Variants in PTPRD observed in about 807,000 individuals in gnomAD.
PTPRD encodes the protein receptor-type tyrosine-protein phosphatase delta.
A neutral mutation model predicts 214.5 loss-of-function variants in PTPRD; 34 were observed. That is an observed-to-expected ratio of 0.16 (90% CI 0.12 to 0.21). The LOEUF is 0.21. PTPRD is among the 10% of genes least tolerant of loss of function. The probability of loss-of-function intolerance (pLI) is 1.00; values close to 1 mark genes in which losing one functional copy is unlikely to be tolerated. For missense variants in PTPRD, 2,545 were observed against 2,398.7 expected (o/e 1.06, Z -1.27); for synonymous variants, 1,128 against 845.7 (o/e 1.33, Z -5.79).
At chr9:9,363,872 T>G (rs2057064394) in intron 9 of PTPRD, among the ~76,000 whole-genome samples, 1 of 151,406 alleles carries the variant, frequency 6.6e-6, no homozygotes, top group Non-Finnish European at 1.5e-5. Context: ...ACTTAATTAT[T>G]TACTTTGCAT....
chr9:9,251,223 T>G (rs1477747157), intron 9 of PTPRD, among the ~76,000 whole-genome samples: 1 of 152,048 alleles, frequency 6.6e-6, no homozygotes, highest in African/African-American at 2.4e-5. Context: ...CAAGCCAGGT[T>G]GCCTTGCTGA....
chr9:9,164,137 T>C (rs2099896558), intron 10 of PTPRD, among the ~76,000 whole-genome samples: 1 of 152,192 alleles, frequency 6.6e-6, no homozygotes, highest in East Asian at 1.9e-4. Context: ...AGCACAAATT[T>C]ATTATACTTC....
intron 11 of PTPRD, among the ~76,000 whole-genome samples, chr9:8,942,415 A>G (rs1000010052): frequency 1.3e-5 from 2 of 152,154 alleles, no homozygotes. Context: ...GGCCATTACA[A>G]TTAGATCTGG....
chr9:8,895,786 G>C (rs985269145), intron 11 of PTPRD, among the ~76,000 whole-genome samples: 4 of 152,178 alleles, frequency 2.6e-5, no homozygotes, highest in Non-Finnish European at 4.4e-5. Context: ...CAGGTAGGAA[G>C]AGCCTTCTAG....
At chr9:9,301,583 G>A (rs1165410022) in intron 9 of PTPRD, among the ~76,000 whole-genome samples, 3 of 151,722 alleles carry the variant, frequency 2.0e-5, no homozygotes, top group Non-Finnish European at 2.9e-5. Context: ...TTTGAATCTC[G>A]AGTTCATCAT....
intron 3 of PTPRD, among the ~76,000 whole-genome samples, chr9:10,100,128 C>T (rs2098537619): frequency 6.6e-6 from 1 of 151,548 alleles, no homozygotes; most frequent in African/African-American, 2.4e-5. Flanking sequence ...TAGTTTACAC[C>T]AAGTATTATT....
intron 4 of PTPRD, among the ~76,000 whole-genome samples, chr9:9,941,448 A>C (rs1211179953): frequency 6.6e-6 from 1 of 152,060 alleles, no homozygotes; most frequent in Non-Finnish European, 1.5e-5. Flanking sequence ...TAAGCCTCCC[A>C]AGTAGCTGGG....
At chr9:9,149,827 C>G (rs2154487028) in intron 10 of PTPRD, among the ~76,000 whole-genome samples, 1 of 152,288 alleles carries the variant, frequency 6.6e-6, no homozygotes. Context: ...TGTACTGTTC[C>G]TTCATGAGGG....
At chr9:10,419,149 C>T (rs894752025) in intron 2 of PTPRD, among the ~76,000 whole-genome samples, 1 of 151,862 alleles carries the variant, frequency 6.6e-6, no homozygotes, top group African/African-American at 2.4e-5. Flanking sequence ...ATAAAAAAAC[C>T]ACTTGTGTAA....
intron 4 of PTPRD, among the ~76,000 whole-genome samples, chr9:9,993,052 C>A (rs1297890862): frequency 5.9e-5 from 9 of 152,144 alleles, no homozygotes; most frequent in Non-Finnish European, 4.4e-5. Flanking sequence ...TAAATACATA[C>A]TTTAGAAAAT....
intron 35 of PTPRD, among the ~76,000 whole-genome samples, chr9:8,425,925 T>A (rs187011962): frequency 6.6e-6 from 1 of 152,156 alleles, no homozygotes; most frequent in South Asian, 2.1e-4. Context: ...TTTCCAGAAA[T>A]GATATTATGT....
chr9:10,129,499 C>CT (rs35281382), intron 3 of PTPRD, among the ~76,000 whole-genome samples: 9,747 of 125,740 alleles, frequency 0.078, 486 homozygotes, highest in Admixed American at 0.13. Context: ...TTTTTCTTTC[C>CT]TTTTTTTTTT....
intron 12 of PTPRD, among the ~76,000 whole-genome samples, chr9:8,713,092 A>C (rs2098379171): frequency 6.6e-6 from 1 of 152,220 alleles, no homozygotes; most frequent in African/African-American, 2.4e-5. Flanking sequence ...CTTTTTATTT[A>C]TAAAACAGAA....
chr9:8,612,648 C>G (rs748821388), intron 14 of PTPRD, among the ~76,000 whole-genome samples: 3 of 152,096 alleles, frequency 2.0e-5, no homozygotes, highest in Admixed American at 2.0e-4. Flanking sequence ...AGAAGGATGG[C>G]GGTACTATTG....
chr9:9,674,764 A>C (rs1402978474), intron 7 of PTPRD, among the ~76,000 whole-genome samples: 2 of 151,874 alleles, frequency 1.3e-5, no homozygotes, highest in Non-Finnish European at 1.5e-5. Flanking sequence ...GAAGATGTAC[A>C]ATTCTCAACA....
At chr9:9,145,646 A>C (rs2154484264) in intron 10 of PTPRD, among the ~76,000 whole-genome samples, 1 of 152,314 alleles carries the variant, frequency 6.6e-6, no homozygotes, top group South Asian at 2.1e-4. Context: ...GAAGGAAATA[A>C]GGTAAAGATA....
rs181670282 is a variant in PTPRD at position 9,136,086 on chromosome 9, C to G, written c.-143+47218G>C. On this transcript the variant is annotated intron_variant, in intron 10 of 45. Coordinates refer to ENST00000381196, the MANE Select transcript of PTPRD (RefSeq NM_002839.4). ...TCTTTTGCTAATGAAATATCTCAACCTCATAACATACCGTCATAGTATAGA... is the reference window on the plus strand; with the variant it reads ...TCTTTTGCTAATGAAATATCTCAACGTCATAACATACCGTCATAGTATAGA... Among the ~76,000 whole-genome samples, 392 of 152,220 alleles carry G rather than the reference C, an allele frequency of 2.6e-3. 1 individual carries two copies. The highest frequency in any genetic ancestry group is 9.0e-3 in the African/African-American group (373 of 41,538).
intron 11 of PTPRD, among the ~76,000 whole-genome samples, chr9:8,944,165 G>A (rs567373215): frequency 6.6e-6 from 1 of 152,118 alleles, no homozygotes; most frequent in African/African-American, 2.4e-5. Context: ...CAACATCACT[G>A]ATCATCAGAG....
chr9:10,205,314 T>C (rs899377184), intron 3 of PTPRD, among the ~76,000 whole-genome samples: 1 of 151,968 alleles, frequency 6.6e-6, no homozygotes, highest in African/African-American at 2.4e-5. Context: ...TGAGATATAT[T>C]AATTTAATAA....
Sources: gnomAD v4.1 joint callset for allele counts (sites outside exome capture counted in the v4.1 genomes callset) on GRCh38, gnomAD v4.1.1 for gene constraint, MANE v1.5 for transcripts, NCBI Gene and HGNC (gene_info 2026-07-23, HGNC 2026-07-21) for gene names.